The following MRPS27 variants were observed in gnomAD, a reference collection of about 807,000 sequenced individuals.
MRPS27 encodes small ribosomal subunit protein mS27.
Under a neutral mutation model 48.9 loss-of-function variants are expected in MRPS27, and 43 were observed. The ratio of observed to expected loss-of-function variants is 0.88; its 90% confidence interval spans 0.69 to 1.13. The LOEUF (loss-of-function observed/expected upper bound fraction) is 1.13. MRPS27 is among the 50% of genes most tolerant of loss of function. MRPS27 has a pLI of 0.00. For synonymous variants in MRPS27, 188 were observed against 171.9 expected, an observed-to-expected ratio of 1.09 and a Z score of -0.73; for missense variants, 467 against 476.3, an observed-to-expected ratio of 0.98 and a Z score of 0.18.
chr5:72,231,480 T>A (rs998344277), intron 7 of MRPS27, among the ~76,000 whole-genome samples: 3 of 152,210 alleles, frequency 2.0e-5, no homozygotes, highest in Admixed American at 2.0e-4. Flanking sequence ...ATCTCTGTGA[T>A]TGTTTTGTTT....
intron 2 of MRPS27, among the ~76,000 whole-genome samples, chr5:72,306,083 T>C (rs1750259330): frequency 6.6e-6 from 1 of 152,210 alleles, no homozygotes; most frequent in Admixed American, 6.5e-5. Flanking sequence ...ATTATTTAAA[T>C]CTATGAGTTC....
intron 4 of MRPS27, among the ~76,000 whole-genome samples, chr5:72,240,236 T>C (rs1748311854): frequency 1.3e-5 from 2 of 152,170 alleles, no homozygotes; most frequent in Non-Finnish European, 2.9e-5. Flanking sequence ...ATATGTAAAT[T>C]TCCTTTTCAG....
chr5:72,281,284 A>T (rs1467614192), intron 4 of MRPS27, among the ~76,000 whole-genome samples: 1 of 152,176 alleles, frequency 6.6e-6, no homozygotes, highest in African/African-American at 2.4e-5. Flanking sequence ...AATTTCTTGG[A>T]GTCTCATAAA....
intron 4 of MRPS27, among the ~76,000 whole-genome samples, chr5:72,238,767 T>C (rs756878406): frequency 1.1e-4 from 16 of 152,188 alleles, no homozygotes; most frequent in Non-Finnish European, 1.5e-4. Flanking sequence ...CACAGGGTCT[T>C]AAAAGTCTGA....
In MRPS27 at chr5:72,255,024, C is replaced by CTCTTCTTTTTTTTTTTTTTTTTTTTTTTT. The variant is rs1561341148; in HGVS notation, c.282-16897_282-16896insAAAAAAAAAAAAAAAAAAAAAAAAGAAGA. 2.2e-5 allele frequency among the ~76,000 whole-genome samples: 2 copies of CTCTTCTTTTTTTTTTTTTTTTTTTTTTTT among 91,870 alleles called. 1 individual carries two copies. The highest frequency in any genetic ancestry group is 8.6e-5 in the African/African-American group (2 of 23,342). 60.3% of individuals were successfully genotyped at this position (91,870 alleles called of 152,430 possible). A position where few individuals can be genotyped will look rare whatever the true frequency, so the allele number is the denominator to read the frequency against. On this transcript the variant is annotated intron_variant, in intron 4 of 10. Coordinates refer to ENST00000261413, the MANE Select transcript of MRPS27 (RefSeq NM_015084.3). ...ACCACATCTAAAATGTAACACATTT[C>CTCTTCTTTTTTTTTTTTTTTTTTTTTTTT]TTTTCTTTTTTTTTTTTTTTTTTTT... is the stretch of plus-strand genomic sequence containing the variant.
rs144357545 is a variant in MRPS27 at position 72,227,863 on chromosome 5, C to A, written c.694+403G>T. The A allele has an allele frequency of 1.4e-5, 3 of 211,196 alleles. No homozygotes were observed. In the East Asian group the frequency reaches 2.9e-4, roughly 21 times the overall value. The allele number at this position is 211,196 out of a possible 1,614,324, so 13.1% of individuals were successfully genotyped here. A position where few individuals can be genotyped will look rare whatever the true frequency, so the allele number is the denominator to read the frequency against. On this transcript the variant is annotated intron_variant, in intron 8 of 10. Coordinates refer to ENST00000261413, the MANE Select transcript of MRPS27 (RefSeq NM_015084.3). ...TTACCTGAAAACAATACCAAAGATACAAGTTCAACTCTAACTCTTAATTTC... is the reference window on the plus strand; with the variant it reads ...TTACCTGAAAACAATACCAAAGATAAAAGTTCAACTCTAACTCTTAATTTC...
chr5:72,287,331 A>G (rs554539557), intron 4 of MRPS27, among the ~76,000 whole-genome samples: 2 of 152,256 alleles, frequency 1.3e-5, no homozygotes, highest in South Asian at 4.1e-4. Context: ...AAGTTGATAA[A>G]TTGGACTTAC....
intron 4 of MRPS27, among the ~76,000 whole-genome samples, chr5:72,246,017 C>T (rs1403173983): frequency 6.6e-6 from 1 of 152,126 alleles, no homozygotes; most frequent in Non-Finnish European, 1.5e-5. Flanking sequence ...GTTTCTATTT[C>T]TGTAACTCTA....
chr5:72,288,904 C>T (rs1391365745), intron 4 of MRPS27: 3 of 152,216 alleles, frequency 2.0e-5, no homozygotes, highest in African/African-American at 7.2e-5. Flanking sequence ...TCTTAATAAT[C>T]CCTCTTAATA....
At chr5:72,244,828 T>G (rs1748466458) in intron 4 of MRPS27, among the ~76,000 whole-genome samples, 1 of 152,066 alleles carries the variant, frequency 6.6e-6, no homozygotes, top group South Asian at 2.1e-4. Context: ...TCTCCCTTTC[T>G]GATACAGAAA....
chr5:72,260,948 C>T (rs1748949576), intron 4 of MRPS27, among the ~76,000 whole-genome samples: 1 of 152,164 alleles, frequency 6.6e-6, no homozygotes, highest in Non-Finnish European at 1.5e-5. Context: ...ACTGCAACCT[C>T]CGCCTCCTGA....
At chr5:72,262,743 C>CTT (rs1240180713) in intron 4 of MRPS27, among the ~76,000 whole-genome samples, 1 of 151,360 alleles carries the variant, frequency 6.6e-6, no homozygotes, top group Non-Finnish European at 1.5e-5. Flanking sequence ...AAAGTGAGGT[C>CTT]TTTTTTTTAT....
At chr5:72,259,626 C>A (rs1006932662) in intron 4 of MRPS27, among the ~76,000 whole-genome samples, 1 of 151,982 alleles carries the variant, frequency 6.6e-6, no homozygotes, top group Non-Finnish European at 1.5e-5. Flanking sequence ...AAATAAAAAT[C>A]ACTTGGATTC....
intron 4 of MRPS27, among the ~76,000 whole-genome samples, chr5:72,294,181 C>T (rs1478559635): frequency 6.6e-6 from 1 of 151,480 alleles, no homozygotes; most frequent in African/African-American, 2.4e-5. Flanking sequence ...TAGCATCTAC[C>T]CAATTCAGAA....
intron 7 of MRPS27, chr5:72,228,941 C>T (rs1747975350): frequency 6.6e-6 from 1 of 152,120 alleles, no homozygotes; most frequent in African/African-American, 2.4e-5. Context: ...TTCTTTCAGC[C>T]CAGGGTGCAA....
intron 4 of MRPS27, among the ~76,000 whole-genome samples, chr5:72,264,427 G>A (rs1749058923): frequency 6.8e-6 from 1 of 147,408 alleles, no homozygotes. Context: ...AAAAAAAAGA[G>A]AGAGAGACTT....
intron 2 of MRPS27, among the ~76,000 whole-genome samples, chr5:72,302,600 T>C (rs1750153444): frequency 6.6e-6 from 1 of 152,204 alleles, no homozygotes; most frequent in African/African-American, 2.4e-5. Context: ...CCCCCAAATA[T>C]ATGACTGAGC....
chr5:72,242,572 C>T (rs973016648), intron 4 of MRPS27, among the ~76,000 whole-genome samples: 6 of 151,036 alleles, frequency 4.0e-5, no homozygotes, highest in Admixed American at 2.6e-4. Flanking sequence ...GTAGCTCATG[C>T]CTGTAATCCC....
chr5:72,296,350 T>C (rs1749979318), intron 3 of MRPS27, among the ~76,000 whole-genome samples: 1 of 152,220 alleles, frequency 6.6e-6, no homozygotes, highest in Non-Finnish European at 1.5e-5. Flanking sequence ...ACTTCTGGAC[T>C]TGACTTAGAA....
Sources: gnomAD v4.1 joint callset for allele counts (sites outside exome capture counted in the v4.1 genomes callset) on GRCh38, gnomAD v4.1.1 for gene constraint, MANE v1.5 for transcripts, NCBI Gene and HGNC (gene_info 2026-07-23, HGNC 2026-07-21) for gene names.